GEMIN6: variants seen among roughly 807,000 people sequenced by gnomAD.
GEMIN6 encodes the protein gem-associated protein 6.
Under a neutral mutation model 14.1 loss-of-function variants are expected in GEMIN6, and 13 were observed. The ratio of observed to expected loss-of-function variants is 0.92; its 90% CI spans 0.60 to 1.46. The LOEUF is 1.46. Ranked by LOEUF, GEMIN6 falls within the 40% of genes most tolerant of loss-of-function variation. The pLI is 0.00. For missense variants in GEMIN6, 271 were observed against 202.4 expected (o/e 1.34, Z -2.06); for synonymous variants, 87 against 70.0 (o/e 1.24, Z -1.21).
chr2:38,780,995 A>G (rs1213731413), intron 2 of GEMIN6, among the ~76,000 whole-genome samples: 2 of 121,710 alleles, frequency 1.6e-5, no homozygotes, highest in Admixed American at 1.8e-4. Flanking sequence ...TTTTTTTTCC[A>G]CGACAGAGTC....
intron 2 of GEMIN6, among the ~76,000 whole-genome samples, chr2:38,780,230 G>A (rs961112564): frequency 6.6e-6 from 1 of 151,148 alleles, no homozygotes; most frequent in Non-Finnish European, 1.5e-5. Flanking sequence ...TGGGGCAGGA[G>A]AATGGCGTGA....
intron 2 of GEMIN6, among the ~76,000 whole-genome samples, chr2:38,779,644 ATATATATATATATATATATATTTTT>A (rs1669030596): frequency 4.3e-5 from 1 of 23,302 alleles, no homozygotes; most frequent in Admixed American, 4.8e-4. Flanking sequence ...TACTATATAT[ATATATATATATATATATATATTTTT>A]TTTTTTTTTT....
chr2:38,781,348 G>A (rs550808617), intron 2 of GEMIN6, among the ~76,000 whole-genome samples, 169 bp from the exon 3 acceptor site: 2 of 152,208 alleles, frequency 1.3e-5, no homozygotes, highest in African/African-American at 2.4e-5. Flanking sequence ...ATGATTGGCT[G>A]TAGGCTGGGC....
In GEMIN6 at chr2:38,782,075, A is replaced by G. The variant is rs1669105311; in HGVS notation, c.*183A>G. The G allele has an allele frequency of 1.7e-6, 1 of 572,332 alleles. No homozygotes were observed. Among genetic ancestry groups the G allele is most frequent in the Non-Finnish European group, 3.0e-6 (1 of 334,324 alleles). The allele number at this position is 572,332 out of a possible 1,614,324, so 35.5% of individuals were successfully genotyped here. The stretch of plus-strand genomic sequence containing the variant: ...AATTTCCTTGGGAAATTAATGAACT[A>G]GGGCAAGTATAGCATCCCATGCATA... On this transcript the variant is annotated 3_prime_UTR_variant, in exon 3 of 3. Coordinates refer to ENST00000281950, the MANE Select transcript of GEMIN6 (RefSeq NM_024775.10).
At position 38,781,921 on chromosome 2, in the gene GEMIN6, G is replaced by C; in HGVS notation, c.*29G>C. The C allele has an allele frequency of 6.4e-7, 1 of 1,553,924 alleles. No individual in the cohort carries two copies. The highest frequency in any genetic ancestry group is 1.4e-5 in the African/African-American group (1 of 72,592). On this transcript the variant is annotated 3_prime_UTR_variant, in exon 3 of 3. Coordinates refer to ENST00000281950, the MANE Select transcript of GEMIN6 (RefSeq NM_024775.10). ...GCCAGGAAGTGTGAACATACTGATA[G>C]AAAAAGACTATATTTTATCCCTCAT...
In GEMIN6 at chr2:38,781,802, A is replaced by G. The variant is rs1044457375; in HGVS notation, c.414A>G (p.Pro138=). The change falls in exon 3 of 3, where the codon CCA becomes CCG. Residue 138 remains proline, a synonymous_variant. Transcript: ENST00000281950. Reference sequence around the variant, plus strand: ...CTGGGGTCCTGACTATAGACCCACCATATGGTCCAGAAAATTGCAGCAGCT... The same window carrying G: ...CTGGGGTCCTGACTATAGACCCACCGTATGGTCCAGAAAATTGCAGCAGCT... ...CVAGVLTIDP[P]YGPENCSSSN... is the part of the protein sequence containing the mutation. 1.5e-5 allele frequency: 25 copies of G among 1,614,168 alleles called. No homozygotes were observed. The highest frequency in any genetic ancestry group is 2.1e-5 in the Non-Finnish European group (25 of 1,180,026).
intron 1 of GEMIN6, among the ~76,000 whole-genome samples, chr2:38,778,611 A>G (rs1043064933): frequency 6.6e-6 from 1 of 152,230 alleles, no homozygotes; most frequent in Non-Finnish European, 1.5e-5. Context: ...CATCATCTGC[A>G]GGCCAGAGTG....
Position 38,779,018 on chromosome 2 carries a change from T to A in GEMIN6, c.28T>A (p.Leu10Ile). ...GAGTGAATGGATGAAGAAAGGCCCC[T>A]TAGAATGGCAAGATTACATTTACAA... MSEWMKKGP[L>I]EWQDYIYKEV... The change falls in exon 2 of 3, where the codon TTA becomes ATA. Residue 10 changes from leucine (L) to isoleucine (I), a missense_variant. By Grantham distance (5) the Leu-to-Ile change is conservative (BLOSUM62 2). Coordinates refer to ENST00000281950, the MANE Select transcript of GEMIN6 (RefSeq NM_024775.10). 1 of 1,613,452 alleles carries A rather than the reference T, an allele frequency of 6.2e-7. No homozygotes were observed. Among genetic ancestry groups the A allele is most frequent in the Non-Finnish European group, 8.5e-7 (1 of 1,179,742 alleles).
In GEMIN6 at chr2:38,783,818, T is replaced by A. The variant is rs1669145006; in HGVS notation, c.*1926T>A. 4 of 152,166 alleles carry A rather than the reference T, an allele frequency of 2.6e-5. No individual in the cohort carries two copies. The South Asian group carries it at 8.3e-4, about 32-fold the overall frequency. The allele number at this position is 152,166 out of a possible 1,614,324, so 9.4% of individuals were successfully genotyped here. On this transcript the variant is annotated 3_prime_UTR_variant, in exon 3 of 3. Coordinates refer to ENST00000281950, the MANE Select transcript of GEMIN6 (RefSeq NM_024775.10). ...AATACAGTCTGATAACACAGCTATT[T>A]TCCTGCATAGTTGTCTAATAACAAG...
chr2:38,783,964 C>G lies in GEMIN6; in HGVS notation c.*2072C>G, dbSNP rs1030456764. Reference sequence around the variant, plus strand: ...CTGATTCAGTAGTTCTAGTTGGGACCCAGGAATTTGCATTTCCAACAGACT... The same window carrying G: ...CTGATTCAGTAGTTCTAGTTGGGACGCAGGAATTTGCATTTCCAACAGACT... On this transcript the variant is annotated 3_prime_UTR_variant, in exon 3 of 3. Coordinates refer to ENST00000281950, the MANE Select transcript of GEMIN6 (RefSeq NM_024775.10). 9.9e-5 allele frequency: 15 copies of G among 152,226 alleles called. No individual in the cohort carries two copies. The highest frequency in any genetic ancestry group is 2.1e-4 in the South Asian group (1 of 4,818). 9.4% of individuals were successfully genotyped at this position (152,226 alleles called of 1,614,324 possible). A position where few individuals can be genotyped will look rare whatever the true frequency, so the allele number is the denominator to read the frequency against.
chr2:38,784,638 T>G lies in GEMIN6; in HGVS notation c.*2746T>G, dbSNP rs1166702603. 6.6e-6 allele frequency: 1 copy of G among 152,108 alleles called. No individual in the cohort carries two copies. Among genetic ancestry groups the G allele is most frequent in the Non-Finnish European group, 1.5e-5 (1 of 68,014 alleles). The allele number at this position is 152,108 out of a possible 1,614,324, so 9.4% of individuals were successfully genotyped here. On this transcript the variant is annotated 3_prime_UTR_variant, in exon 3 of 3. Transcript: ENST00000281950. ...TTGATATTGGTAGATTTATTTGCCA[T>G]CAGACTAATGAGCTGGGGACATTGA...
In GEMIN6 at chr2:38,779,105, C is replaced by A; in HGVS notation, c.115C>A (p.Pro39Thr). The change falls in exon 2 of 3, where the codon CCA (proline) becomes ACA (threonine). Residue 39 changes from proline (P) to threonine (T), a missense_variant. By Grantham distance (38) the Pro-to-Thr change is conservative. Transcript: ENST00000281950. Reference sequence around the variant, plus strand: ...TAAAGGATGGGTTTTAACTACAGACCCAGTCTCTGCCAAGTGAGTATGCAT... The same window carrying A: ...TAAAGGATGGGTTTTAACTACAGACACAGTCTCTGCCAAGTGAGTATGCAT... ...EYKGWVLTTD[P>T]VSANIVLVNF... 9 of 1,612,410 alleles carry A rather than the reference C, an allele frequency of 5.6e-6. No individual in the cohort carries two copies. The highest frequency in any genetic ancestry group is 7.6e-6 in the Non-Finnish European group (9 of 1,179,240).
At chr2:38,779,662 ATATTTTTTTTTT>A (rs1168266950) in intron 2 of GEMIN6, among the ~76,000 whole-genome samples, 2 of 26,758 alleles carry the variant, frequency 7.5e-5, no homozygotes, top group African/African-American at 1.3e-4. Flanking sequence ...ATATATATAT[ATATTTTTTTTTT>A]TTTTTTTTTT....
intron 2 of GEMIN6, chr2:38,779,388 G>A (rs1035752755): frequency 1.1e-5 from 4 of 348,226 alleles, no homozygotes; most frequent in Admixed American, 4.6e-5. Flanking sequence ...TTGCCACCAC[G>A]TCTGGCTAAT....
At position 38,784,882 on chromosome 2, in the gene GEMIN6, C is replaced by T. The variant is rs1440224244; in HGVS notation, c.*2990C>T. The stretch of plus-strand genomic sequence containing the variant: ...TCAGCATCTGTGATTCCACATTCCC[C>T]AGAGGGAGATTCCTCCCCAAAGCTG... On this transcript the variant is annotated 3_prime_UTR_variant, in exon 3 of 3. Transcript: ENST00000281950. 1 of 152,214 alleles carries T rather than the reference C, an allele frequency of 6.6e-6. No individual in the cohort carries two copies. The highest frequency in any genetic ancestry group is 1.9e-4 in the East Asian group (1 of 5,182). The allele number at this position is 152,214 out of a possible 1,614,324, so 9.4% of individuals were successfully genotyped here.
rs1015734142 is a variant in GEMIN6, at chr2:38,783,673, G to A, written c.*1781G>A. The A allele has an allele frequency of 6.6e-6, 1 of 152,028 alleles. No individual in the cohort carries two copies. Among genetic ancestry groups the A allele is most frequent in the Admixed American group, 6.6e-5 (1 of 15,230 alleles). 9.4% of individuals were successfully genotyped at this position (152,028 alleles called of 1,614,324 possible). A position where few individuals can be genotyped will look rare whatever the true frequency, so the allele number is the denominator to read the frequency against. On this transcript the variant is annotated 3_prime_UTR_variant, in exon 3 of 3. Coordinates refer to ENST00000281950, the MANE Select transcript of GEMIN6 (RefSeq NM_024775.10). ...TTAAGCTTCAGGGCCTTTGAATACA[G>A]GCCCTGATAACATAGCTATTTTCCT...
In GEMIN6 at chr2:38,782,434, T is replaced by C. The variant is rs1021229666; in HGVS notation, c.*542T>C. 6.6e-6 allele frequency: 1 copy of C among 152,292 alleles called. No homozygotes were observed. The highest frequency in any genetic ancestry group is 1.9e-4 in the East Asian group (1 of 5,196). 9.4% of individuals were successfully genotyped at this position (152,292 alleles called of 1,614,324 possible). A position where few individuals can be genotyped will look rare whatever the true frequency, so the allele number is the denominator to read the frequency against. The stretch of plus-strand genomic sequence containing the variant: ...AAAAAATGTAACATGTTAGATTCAA[T>C]ATAAAATATTATGGTAAGATCATGG... On this transcript the variant is annotated 3_prime_UTR_variant, in exon 3 of 3. Transcript: ENST00000281950.
Position 38,781,981 on chromosome 2 carries a change from G to T in GEMIN6, c.*89G>T, listed in dbSNP as rs118013416. ...TAAATGTAAATGTACATGACTGTGT[G>T]TGTGTATGTGTGTGTGTGTATAATT... On this transcript the variant is annotated 3_prime_UTR_variant, in exon 3 of 3. Transcript: ENST00000281950. 4.0e-3 allele frequency: 4,798 copies of T among 1,195,926 alleles called. 133 individuals are homozygous for T. In the East Asian group the frequency reaches 0.047, roughly 12 times the overall value. 74.1% of individuals were successfully genotyped at this position (1,195,926 alleles called of 1,614,324 possible).
Position 38,784,989 on chromosome 2 carries a change from T to C in GEMIN6, c.*3097T>C, listed in dbSNP as rs920561494. 1.3e-5 allele frequency: 2 copies of C among 152,224 alleles called. No homozygotes were observed. The highest frequency in any genetic ancestry group is 2.9e-5 in the Non-Finnish European group (2 of 68,052). The allele number at this position is 152,224 out of a possible 1,614,324, so 9.4% of individuals were successfully genotyped here. A position where few individuals can be genotyped will look rare whatever the true frequency, so the allele number is the denominator to read the frequency against. ...AAGAATACTTTTTAAAATAAAAGTCTGTTTCGACTTCCACTGTGTATTTTT... is the reference window on the plus strand; with the variant it reads ...AAGAATACTTTTTAAAATAAAAGTCCGTTTCGACTTCCACTGTGTATTTTT... On this transcript the variant is annotated 3_prime_UTR_variant, in exon 3 of 3. Coordinates refer to ENST00000281950, the MANE Select transcript of GEMIN6 (RefSeq NM_024775.10).
Sources: allele counts gnomAD v4.1 joint callset (sites outside exome capture counted in the v4.1 genomes callset), GRCh38; gene constraint gnomAD v4.1.1; transcripts MANE v1.5; gene names NCBI Gene and HGNC (gene_info 2026-07-23, HGNC 2026-07-21).